DDX27: variants seen among roughly 807,000 people sequenced by gnomAD.
DDX27 encodes probable ATP-dependent RNA helicase DDX27.
In DDX27, 42 loss-of-function variants were observed where a neutral mutation model predicts 99.3. That is an observed-to-expected ratio of 0.42 (90% CI 0.33 to 0.55). DDX27 has a LOEUF of 0.55. Ranked by LOEUF, DDX27 falls within the 20% of genes least tolerant of loss-of-function variation. The pLI is 0.07. For synonymous variants in DDX27, 329 were observed against 353.8 expected, an observed-to-expected ratio of 0.93 and a Z score of 0.79; for missense variants, 798 against 976.8, an observed-to-expected ratio of 0.82 and a Z score of 2.44.
chr20:49,229,180 G>T (rs1159785453), intron 8 of DDX27, among the ~76,000 whole-genome samples: 1 of 151,906 alleles, frequency 6.6e-6, no homozygotes, highest in African/African-American at 2.4e-5. Context: ...TGGGACTACC[G>T]CCACCACGCC....
intron 4 of DDX27, chr20:49,224,703 T>C (rs1185734142): frequency 3.7e-6 from 2 of 536,356 alleles, no homozygotes; most frequent in Non-Finnish European, 6.7e-6. Flanking sequence ...TAAAGCATCA[T>C]AATACAGTGT....
intron 2 of DDX27, among the ~76,000 whole-genome samples, chr20:49,222,704 C>T (rs1979733960): frequency 6.6e-6 from 1 of 151,900 alleles, no homozygotes; most frequent in Non-Finnish European, 1.5e-5. Context: ...TTAGTAGAGA[C>T]AGGGTTTCTC....
chr20:49,226,464 C>T lies in DDX27; in HGVS notation c.635C>T (p.Pro212Leu), dbSNP rs371446621. Reference protein sequence around the residue: ...ITAMGFKQPTPIQKACIPVGL... With the variant: ...ITAMGFKQPTLIQKACIPVGL... ...GCCATGGGCTTCAAGCAGCCCACCCCGATCCAGAAGGCGTGCATACCTGTG... is the reference window on the plus strand; with the variant it reads ...GCCATGGGCTTCAAGCAGCCCACCCTGATCCAGAAGGCGTGCATACCTGTG... The change falls in exon 7 of 21, where the codon CCG (proline) becomes CTG (leucine). Residue 212 changes from proline (P) to leucine (L), a missense_variant. Physicochemically the swap from Pro to Leu is moderately conservative, Grantham distance 98. This residue lies in a region of DDX27 where 553 missense variants were observed against 727.9 expected (regional missense o/e 0.76). Transcript: ENST00000618172. 2.7e-5 allele frequency: 44 copies of T among 1,613,898 alleles called. No homozygotes were observed. The highest frequency in any genetic ancestry group is 3.2e-5 in the Non-Finnish European group (38 of 1,179,972).
intron 9 of DDX27, 130 bp downstream of exon 9, chr20:49,230,479 C>A: frequency 1.8e-6 from 2 of 1,084,414 alleles, no homozygotes; most frequent in Non-Finnish European, 2.6e-6. Context: ...ACCAGATCAG[C>A]CACTTGTGCT....
rs543021625 is a variant in DDX27, at chr20:49,241,764, C to T, written c.1898-129C>T. The T allele has an allele frequency of 4.5e-5, 46 of 1,022,888 alleles. No homozygotes were observed. The African/African-American group carries it at 6.3e-4, about 14-fold the overall frequency. 63.4% of individuals were successfully genotyped at this position (1,022,888 alleles called of 1,614,324 possible). On this transcript the variant is annotated intron_variant, in intron 16 of 20. Transcript: ENST00000618172. Reference sequence around the variant, plus strand: ...GACTACAGGCACGAGCTACTGCACTCGGCCAAGAAGTGCTTGCCGCTTTTC... The same window carrying T: ...GACTACAGGCACGAGCTACTGCACTTGGCCAAGAAGTGCTTGCCGCTTTTC...
intron 9 of DDX27, among the ~76,000 whole-genome samples, chr20:49,231,738 C>T (rs552156558): frequency 1.7e-4 from 26 of 152,268 alleles, no homozygotes; most frequent in South Asian, 2.1e-4. Flanking sequence ...TGGAACAAAC[C>T]GGCCGTCAGT....
chr20:49,243,413 T>C (rs1222067808), intron 19 of DDX27, among the ~76,000 whole-genome samples: 5 of 152,176 alleles, frequency 3.3e-5, no homozygotes, highest in Non-Finnish European at 7.4e-5. Flanking sequence ...GGTATATACC[T>C]AAGAAGGGCC....
chr20:49,224,918 G>T, intron 4 of DDX27, 27 bp from the exon 5 acceptor site: 4 of 1,613,624 alleles, frequency 2.5e-6, no homozygotes, highest in South Asian at 1.1e-5. Context: ...TCTGAGCCGT[G>T]GTCATCAGCT....
chr20:49,241,842 T>TAAAA, intron 16 of DDX27, 51 bp from the exon 17 acceptor site: 1 of 1,588,530 alleles, frequency 6.3e-7, no homozygotes. Flanking sequence ...ATCGTAAGCT[T>TAAAA]AAAAAAAGAT....
intron 6 of DDX27, among the ~76,000 whole-genome samples, chr20:49,225,655 C>T (rs965040024): frequency 3.3e-5 from 5 of 151,966 alleles, no homozygotes; most frequent in Admixed American, 6.6e-5. Flanking sequence ...TGGGGTTTCA[C>T]CGTGTTAGCC....
chr20:49,233,844 AATG>A (rs1216018381), intron 11 of DDX27, 135 bp downstream of exon 11: 3 of 944,794 alleles, frequency 3.2e-6, no homozygotes, highest in Non-Finnish European at 4.7e-6. Flanking sequence ...GCACTGCACT[AATG>A]ATGATCCGCT....
At position 49,233,446 on chromosome 20, in the gene DDX27, C is replaced by T. The variant is rs1282642844; in HGVS notation, c.1131+41C>T. ...TCTCTGTGGCGGGTGGCAGGTGTGC[C>T]CAGAGGGGGCCATGCAGAGGACCCT... On this transcript the variant is annotated intron_variant, in intron 10 of 20. Transcript: ENST00000618172. 1.9e-6 allele frequency: 3 copies of T among 1,607,804 alleles called. No homozygotes were observed. The South Asian group carries it at 3.3e-5, about 18-fold the overall frequency.
In DDX27 at chr20:49,233,602, C is replaced by A. The variant is rs774482594; in HGVS notation, c.1166C>A (p.Pro389His). 4.3e-6 allele frequency: 7 copies of A among 1,613,962 alleles called. No homozygotes were observed. The South Asian group carries it at 7.7e-5, about 18-fold the overall frequency. ...KDLASVSLKN[P>H]VRIFVNSNTD... is the part of the protein sequence containing the mutation. Reference sequence around the variant, plus strand: ...CTGGCTTCTGTCTCCTTGAAGAATCCTGTCCGGATATTTGTGAACAGCAAC... The same window carrying A: ...CTGGCTTCTGTCTCCTTGAAGAATCATGTCCGGATATTTGTGAACAGCAAC... Residue 389 changes from proline (P) to histidine (H), a missense_variant, in exon 11 of 21, where the codon CCT (proline) becomes CAT (histidine). Around this residue, in one of 2 missense-constraint regions of DDX27, gnomAD observed 553 missense variants for 727.9 expected, o/e 0.76. Transcript: ENST00000618172.
chr20:49,233,142 A>G (rs1980181647), intron 9 of DDX27, among the ~76,000 whole-genome samples, 164 bp from the exon 10 acceptor site: 1 of 152,228 alleles, frequency 6.6e-6, no homozygotes, highest in South Asian at 2.1e-4. Context: ...AGACAAAGCA[A>G]ATGTGGCAAA....
chr20:49,231,727 C>T (rs533794431), intron 9 of DDX27, among the ~76,000 whole-genome samples: 1 of 152,304 alleles, frequency 6.6e-6, no homozygotes, highest in South Asian at 2.1e-4. Flanking sequence ...ATCCACAGTT[C>T]TGGAACAAAC....
chr20:49,220,056 G>T (rs532091154), intron 1 of DDX27, among the ~76,000 whole-genome samples: 1 of 152,108 alleles, frequency 6.6e-6, no homozygotes, highest in South Asian at 2.1e-4. Flanking sequence ...AGGTATTGGT[G>T]TTCTGAAAAG....
intron 1 of DDX27, among the ~76,000 whole-genome samples, chr20:49,220,569 T>C (rs2146702827): frequency 6.6e-6 from 1 of 152,234 alleles, no homozygotes; most frequent in African/African-American, 2.4e-5. Flanking sequence ...TCAGGCAGCG[T>C]CTGGGTCCCG....
intron 7 of DDX27, among the ~76,000 whole-genome samples, chr20:49,226,776 A>G (rs546429597): frequency 1.5e-4 from 23 of 151,684 alleles, no homozygotes; most frequent in African/African-American, 5.6e-4. Context: ...TTCTGGGATT[A>G]CAGGCATGAG....
At position 49,225,185 on chromosome 20, in the gene DDX27, C is replaced by T. The variant is rs770102529; in HGVS notation, c.586C>T (p.Arg196Cys). Residue 196 changes from arginine to cysteine, a missense_variant, in exon 6 of 21, where the codon CGC (arginine) becomes TGC (cysteine). Coordinates refer to ENST00000618172, the MANE Select transcript of DDX27 (RefSeq NM_017895.8). Reference sequence around the variant, plus strand: ...CTCGTTCCAGGACATGAACCTTTCCCGCCCTCTTCTGAAGGTAGCAGCTTC... The same window carrying T: ...CTCGTTCCAGGACATGAACCTTTCCTGCCCTCTTCTGAAGGTAGCAGCTTC... ...NLSFQDMNLS[R>C]PLLKAITAMG... The T allele has an allele frequency of 5.6e-6, 9 of 1,613,878 alleles. No homozygotes were observed. Among genetic ancestry groups the T allele is most frequent in the East Asian group, 2.2e-5 (1 of 44,872 alleles).
Sources: allele counts gnomAD v4.1 joint callset (sites outside exome capture counted in the v4.1 genomes callset), GRCh38; gene constraint gnomAD v4.1.1; regional missense constraint gnomAD v4.1.1; transcripts MANE v1.5; gene names NCBI Gene and HGNC (gene_info 2026-07-23, HGNC 2026-07-21).